Variants in WDPCP observed in about 807,000 individuals in gnomAD.
WDPCP encodes WD repeat containing planar cell polarity effector.
Under a neutral mutation model 93.1 loss-of-function variants are expected in WDPCP, and 71 were observed. The observed-to-expected ratio is 0.76, with a 90% CI of 0.63 to 0.93. The LOEUF (loss-of-function observed/expected upper bound fraction) is 0.93, where lower values mean the gene tolerates loss of function less well. WDPCP is among the 40% of genes least tolerant of loss of function. The pLI, the probability that WDPCP is intolerant of heterozygous loss-of-function variation, is 0.00. For missense variants in WDPCP, 844 were observed against 887.4 expected, an observed-to-expected ratio of 0.95 and a Z score of 0.62; for synonymous variants, 315 against 315.0, an observed-to-expected ratio of 1.00 and a Z score of 0.00.
In WDPCP at chr2:63,204,851, C is replaced by T. The variant is rs184585501; in HGVS notation, c.1916-30019G>A. 5.3e-5 allele frequency among the ~76,000 whole-genome samples: 8 copies of T among 152,190 alleles called. No individual in the cohort carries two copies. The East Asian group carries it at 1.5e-3, about 29-fold the overall frequency. On this transcript the variant is annotated intron_variant, in intron 14 of 17. Transcript: ENST00000272321. Reference sequence around the variant, plus strand: ...CCTTTGCTGGGTAGAAGCTTTTAAACTTGATATGATCCCATTTGTCCATTT... The same window carrying T: ...CCTTTGCTGGGTAGAAGCTTTTAAATTTGATATGATCCCATTTGTCCATTT...
rs1686033022 is a variant in WDPCP, at chr2:63,309,719, A to G, written c.1812+3529T>C. Among the ~76,000 whole-genome samples, 6 of 152,212 alleles carry G rather than the reference A, an allele frequency of 3.9e-5. 1 individual carries two copies. Among genetic ancestry groups the G allele is most frequent in the African/African-American group, 1.2e-4 (5 of 41,454 alleles). ...TCTAGGATAAACTAAGTTTCAATAG[A>G]TTTAAAACGATAGACATCAAAGTAT... On this transcript the variant is annotated intron_variant, in intron 13 of 17. Transcript: ENST00000272321.
chr2:63,473,820 C>A (rs1575487041), intron 6 of WDPCP, among the ~76,000 whole-genome samples: 2 of 152,152 alleles, frequency 1.3e-5, no homozygotes, highest in East Asian at 3.9e-4. Flanking sequence ...ATGTGTGTTC[C>A]ATATCTTACT....
intron 1 of WDPCP, among the ~76,000 whole-genome samples, chr2:63,576,581 A>T (rs1463973555): frequency 1.3e-5 from 2 of 152,146 alleles, no homozygotes; most frequent in Non-Finnish European, 2.9e-5. Context: ...GGTTTTATGG[A>T]GGTTTCTTTA....
intron 2 of WDPCP, among the ~76,000 whole-genome samples, chr2:63,682,136 T>C (rs574491063): frequency 6.6e-6 from 1 of 152,230 alleles, no homozygotes; most frequent in East Asian, 1.9e-4. Flanking sequence ...CTGACAGACA[T>C]CCACAAGCAT....
chr2:63,133,462 T>C (rs1454441512), intron 17 of WDPCP, among the ~76,000 whole-genome samples: 1 of 152,216 alleles, frequency 6.6e-6, no homozygotes, highest in East Asian at 1.9e-4. Context: ...TTTGGCTGTG[T>C]GTCCCCACCC....
At chr2:63,228,213 C>CAAGT (rs1373043023) in intron 14 of WDPCP, among the ~76,000 whole-genome samples, 1 of 151,824 alleles carries the variant, frequency 6.6e-6, no homozygotes, top group African/African-American at 2.4e-5. Context: ...CTTAAATTAG[C>CAAGT]AAGTCACAAT....
chr2:63,450,596 C>T (rs748432345), intron 6 of WDPCP, among the ~76,000 whole-genome samples: 2 of 152,192 alleles, frequency 1.3e-5, no homozygotes, highest in East Asian at 1.9e-4. Context: ...GACCCAAGAT[C>T]AGGCACACTC....
intron 13 of WDPCP, among the ~76,000 whole-genome samples, chr2:63,295,441 A>G (rs1285816051): frequency 6.6e-6 from 1 of 152,102 alleles, no homozygotes; most frequent in Non-Finnish European, 1.5e-5. Flanking sequence ...AAAGATGAAA[A>G]AAAAGATATT....
At chr2:63,748,566 T>C (rs1242563909) in intron 2 of WDPCP, among the ~76,000 whole-genome samples, 1 of 152,126 alleles carries the variant, frequency 6.6e-6, no homozygotes, top group African/African-American at 2.4e-5. Context: ...CCCGAATTAT[T>C]AGGATAAACC....
chr2:63,178,871 C>T (rs1225412611), intron 14 of WDPCP, among the ~76,000 whole-genome samples: 1 of 152,032 alleles, frequency 6.6e-6, no homozygotes, highest in Non-Finnish European at 1.5e-5. Context: ...ACTGTTTTCA[C>T]TGCGTCTCAC....
intron 14 of WDPCP, among the ~76,000 whole-genome samples, chr2:63,257,796 AT>A (rs1386222846): frequency 6.6e-6 from 1 of 152,156 alleles, no homozygotes; most frequent in Non-Finnish European, 1.5e-5. Context: ...ATCTCTTCAC[AT>A]TCTCTTTCAC....
intron 6 of WDPCP, among the ~76,000 whole-genome samples, chr2:63,461,822 C>T (rs1699030399): frequency 6.6e-6 from 1 of 152,226 alleles, no homozygotes; most frequent in African/African-American, 2.4e-5. Flanking sequence ...CCACGTTTCT[C>T]TATCCCTTTT....
chr2:63,648,463 T>C (rs891555018), intron 3 of WDPCP, among the ~76,000 whole-genome samples: 5 of 152,218 alleles, frequency 3.3e-5, no homozygotes, highest in African/African-American at 1.2e-4. Context: ...AAATGTATAG[T>C]TGTGTAATTA....
At position 63,575,387 on chromosome 2, in the gene WDPCP, ACG is replaced by A. The variant is rs368940207; in HGVS notation, c.75+12808_75+12809del. Among the ~76,000 whole-genome samples the A allele has an allele frequency of 1.3e-3, 152 of 113,984 alleles. 4 individuals are homozygous for A. The highest frequency in any genetic ancestry group is 1.7e-3 in the Non-Finnish European group (94 of 53,860). 74.8% of individuals were successfully genotyped at this position (113,984 alleles called of 152,430 possible). A position where few individuals can be genotyped will look rare whatever the true frequency, so the allele number is the denominator to read the frequency against. ...TATATACAGTATATACAGTATATAC[ACG>A]GTATATACAGTATATATACAGTATA... On this transcript the variant is annotated intron_variant, in intron 1 of 17. Transcript: ENST00000272321.
intron 17 of WDPCP, among the ~76,000 whole-genome samples, chr2:63,151,405 A>G (rs962609562): frequency 6.6e-6 from 1 of 152,002 alleles, no homozygotes; most frequent in Non-Finnish European, 1.5e-5. Context: ...TTGTGTTTTT[A>G]GTAGAGATGG....
chr2:63,728,034 G>A (rs1669514831), intron 2 of WDPCP, among the ~76,000 whole-genome samples: 1 of 152,146 alleles, frequency 6.6e-6, no homozygotes, highest in Non-Finnish European at 1.5e-5. Context: ...ATGCAGACAT[G>A]GTACTGTTTA....
chr2:63,311,984 G>A (rs1686222364), intron 13 of WDPCP, among the ~76,000 whole-genome samples: 1 of 152,036 alleles, frequency 6.6e-6, no homozygotes, highest in Non-Finnish European at 1.5e-5. Flanking sequence ...GTGAAAAGGT[G>A]GAGATAAGGA....
chr2:63,709,646 A>G (rs968323212), intron 2 of WDPCP, among the ~76,000 whole-genome samples: 2 of 152,186 alleles, frequency 1.3e-5, no homozygotes, highest in African/African-American at 4.8e-5. Flanking sequence ...TAACATTGCT[A>G]TATTTTCTTA....
At chr2:63,826,327 C>T (rs1040056625) in intron 1 of WDPCP, among the ~76,000 whole-genome samples, 6 of 151,308 alleles carry the variant, frequency 4.0e-5, no homozygotes, top group East Asian at 3.8e-4. Flanking sequence ...CACTCTGCCT[C>T]GCTAGTGGGT....
Sources: gnomAD v4.1 joint callset for allele counts (sites outside exome capture counted in the v4.1 genomes callset) on GRCh38, gnomAD v4.1.1 for gene constraint, MANE v1.5 for transcripts, NCBI Gene and HGNC (gene_info 2026-07-23, HGNC 2026-07-21) for gene names.